NAT1: variants seen among roughly 807,000 people sequenced by gnomAD.
The protein encoded by NAT1 is arylamine N-acetyltransferase 1.
For missense variants in NAT1, 400 were observed against 339.2 expected, an observed-to-expected ratio of 1.18 and a Z score of -1.41; for synonymous variants, 144 against 122.6, an observed-to-expected ratio of 1.17 and a Z score of -1.16.
At chr8:18,189,064 G>A (rs1349918388) in intron 2 of NAT1, among the ~76,000 whole-genome samples, 1 of 150,674 alleles carries the variant, frequency 6.6e-6, no homozygotes, top group Non-Finnish European at 1.5e-5. Flanking sequence ...CACATCTGCA[G>A]AGTATTTGTC....
At chr8:18,200,109 C>T (rs1803399612) in intron 2 of NAT1, among the ~76,000 whole-genome samples, 1 of 152,168 alleles carries the variant, frequency 6.6e-6, no homozygotes, top group Non-Finnish European at 1.5e-5. Context: ...TAAGTTAGTT[C>T]AGTCACTGTA....
chr8:18,176,195 G>A (rs1484039483), intron 2 of NAT1, among the ~76,000 whole-genome samples: 3 of 152,084 alleles, frequency 2.0e-5, no homozygotes, highest in Non-Finnish European at 2.9e-5. Context: ...TTGCCGTGCA[G>A]AAGTTTCTGA....
At chr8:18,219,939 G>A (rs975260568) in intron 2 of NAT1, among the ~76,000 whole-genome samples, 4 of 152,176 alleles carry the variant, frequency 2.6e-5, no homozygotes, top group Non-Finnish European at 4.4e-5. Context: ...ACAAATGCTT[G>A]TAAACAAGTT....
At chr8:18,207,779 G>C (rs1443773990), upstream of NAT1, among the ~76,000 whole-genome samples, 1 of 152,074 alleles carries the variant, frequency 6.6e-6, no homozygotes, top group Non-Finnish European at 1.5e-5. Context: ...ATACCCAAAG[G>C]AATATAAATC....
At chr8:18,188,235 A>G (rs1802823377) in intron 2 of NAT1, among the ~76,000 whole-genome samples, 1 of 152,206 alleles carries the variant, frequency 6.6e-6, no homozygotes, top group South Asian at 2.1e-4. Flanking sequence ...CTGTAACTGT[A>G]AGAAAGCAAC....
chr8:18,204,595 CA>C (rs1356626262), intron 2 of NAT1, among the ~76,000 whole-genome samples: 6 of 151,840 alleles, frequency 4.0e-5, no homozygotes, highest in Admixed American at 2.6e-4. Flanking sequence ...TGTTAATATA[CA>C]AAAAATTGAG....
upstream of NAT1, chr8:18,209,812 C>T (rs1234534289): frequency 6.6e-6 from 1 of 152,170 alleles, no homozygotes; most frequent in East Asian, 1.9e-4. Flanking sequence ...GGACCTGTTC[C>T]AAGCTCTCAC....
In NAT1 at chr8:18,187,984, T is replaced by C. The variant is rs917155158; in HGVS notation, n.92+17245T>C. Among the ~76,000 whole-genome samples, 10 of 105,100 alleles carry C rather than the reference T, an allele frequency of 9.5e-5. No individual in the cohort carries two copies. The East Asian group carries it at 3.7e-3, about 39-fold the overall frequency. The allele number at this position is 105,100 out of a possible 152,430, so 68.9% of individuals were successfully genotyped here. A position where few individuals can be genotyped will look rare whatever the true frequency, so the allele number is the denominator to read the frequency against. ...ACACACACACACACACACACACTTTTATGCCACATGAGACAGCACTATTGT... is the reference window on the plus strand; with the variant it reads ...ACACACACACACACACACACACTTTCATGCCACATGAGACAGCACTATTGT... On this transcript the variant is annotated intron_variant and non_coding_transcript_variant, in intron 2 of 4. Coordinates refer to the NAT1 transcript ENST00000517441.
rs550262904 is a variant in NAT1 at position 18,194,997 on chromosome 8, A to G, written n.93-14784A>G. The stretch of plus-strand genomic sequence containing the variant: ...CAGAGATCAGACCCTCTTCTCACTA[A>G]TACGTCATCCAAATTGCTAGCAGTT... On this transcript the variant is annotated intron_variant and non_coding_transcript_variant, in intron 2 of 4. Transcript: ENST00000517441. Among the ~76,000 whole-genome samples, 3 of 152,182 alleles carry G rather than the reference A, an allele frequency of 2.0e-5. No homozygotes were observed. In the East Asian group the frequency reaches 5.8e-4, roughly 29 times the overall value.
At chr8:18,208,147 G>A (rs988508944), upstream of NAT1, among the ~76,000 whole-genome samples, 5 of 151,950 alleles carry the variant, frequency 3.3e-5, no homozygotes, top group African/African-American at 9.7e-5. Flanking sequence ...GGGAGGGAGC[G>A]CATCAGGAAA....
At chr8:18,219,291 C>T (rs565832010) in intron 1 of NAT1, 120 bp from the exon 2 acceptor site, 3 of 671,048 alleles carry the variant, frequency 4.5e-6, no homozygotes, top group South Asian at 1.9e-5. Context: ...ACTGTGCAGT[C>T]CATTCCCTCT....
In NAT1 at chr8:18,197,961, G is replaced by C. The variant is rs1395109067; in HGVS notation, n.93-11820G>C. Among the ~76,000 whole-genome samples the C allele has an allele frequency of 2.0e-5, 3 of 150,942 alleles. No homozygotes were observed. In the East Asian group the frequency reaches 5.8e-4, roughly 29 times the overall value. On this transcript the variant is annotated intron_variant and non_coding_transcript_variant, in intron 2 of 4. Transcript: ENST00000517441. ...GAACTAAAATCATTTATATATGTAT[G>C]ATGAGACAACAAGGGATGCCAAAAC...
At position 18,196,121 on chromosome 8, in the gene NAT1, T is replaced by A. The variant is rs7008322; in HGVS notation, n.93-13660T>A. 4.5e-3 allele frequency among the ~76,000 whole-genome samples: 688 copies of A among 152,176 alleles called. 1 individual carries two copies. Among genetic ancestry groups the A allele is most frequent in the African/African-American group, 0.015 (607 of 41,498 alleles). ...CATTACACTTTATACAACTTTTATT[T>A]TTTTTTTTAATAGAGACAAGGTCTC... On this transcript the variant is annotated intron_variant and non_coding_transcript_variant, in intron 2 of 4. Transcript: ENST00000517441.
upstream of NAT1, chr8:18,209,759 C>T (rs1327348999): frequency 6.6e-6 from 1 of 152,206 alleles, no homozygotes; most frequent in African/African-American, 2.4e-5. Flanking sequence ...AGCCTTCCAT[C>T]TTCCTCTTTT....
chr8:18,191,081 GAA>G lies in NAT1; in HGVS notation n.93-18693_93-18692del, dbSNP rs1166522861. On this transcript the variant is annotated intron_variant and non_coding_transcript_variant, in intron 2 of 4. Coordinates refer to the NAT1 transcript ENST00000517441. ...CTGTCCAAAAAAAAAAGAAAAAAAAGAAAAAAAAGATAAGCAATAAATATACT... is the reference window on the plus strand; with the variant it reads ...CTGTCCAAAAAAAAAAGAAAAAAAAGAAAAAAGATAAGCAATAAATATACT... 6.6e-5 allele frequency among the ~76,000 whole-genome samples: 10 copies of G among 151,180 alleles called. No individual in the cohort carries two copies. The East Asian group carries it at 1.6e-3, about 24-fold the overall frequency.
At chr8:18,189,732 G>T (rs1332709101) in intron 2 of NAT1, among the ~76,000 whole-genome samples, 2 of 152,168 alleles carry the variant, frequency 1.3e-5, no homozygotes, top group African/African-American at 2.4e-5. Context: ...TGACTGTGAA[G>T]CTTAGAAGTC....
At chr8:18,182,907 A>G (rs2117226509) in intron 2 of NAT1, among the ~76,000 whole-genome samples, 1 of 152,264 alleles carries the variant, frequency 6.6e-6, no homozygotes, top group Non-Finnish European at 1.5e-5. Flanking sequence ...ATAATGTCTA[A>G]TCATTTTCTG....
chr8:18,190,111 T>C (rs1802921364), intron 2 of NAT1, among the ~76,000 whole-genome samples: 1 of 152,166 alleles, frequency 6.6e-6, no homozygotes, highest in Admixed American at 6.6e-5. Flanking sequence ...TTTTATATTC[T>C]AATATATGTG....
chr8:18,196,992 G>A (rs1196580155), intron 2 of NAT1, among the ~76,000 whole-genome samples: 3 of 152,178 alleles, frequency 2.0e-5, no homozygotes, highest in African/African-American at 7.2e-5. Context: ...CTCTGCAGGC[G>A]TTAACGGGAA....
Sources: allele counts gnomAD v4.1 joint callset (sites outside exome capture counted in the v4.1 genomes callset), GRCh38; gene constraint gnomAD v4.1.1; transcripts MANE v1.5; gene names NCBI Gene and HGNC (gene_info 2026-07-23, HGNC 2026-07-21).